Variants in KIAA2012 observed in about 807,000 individuals in gnomAD.
The protein encoded by KIAA2012 is KIAA2012, also known as uncharacterized protein KIAA2012.
In KIAA2012, 125 loss-of-function variants were observed where a neutral mutation model predicts 150.6. That is an observed-to-expected ratio of 0.83 (90% CI 0.72 to 0.96). KIAA2012 has a LOEUF of 0.96. Among genes scored for constraint, KIAA2012 ranks in the 40% least tolerant of loss-of-function variants. KIAA2012 has a pLI of 0.00. For missense variants in KIAA2012, 1,219 were observed against 1,354.9 expected, an observed-to-expected ratio of 0.90 and a Z score of 1.57; for synonymous variants, 462 against 504.7, an observed-to-expected ratio of 0.92 and a Z score of 1.13.
At chr2:202,086,400 C>CT (rs1237944680) in intron 2 of KIAA2012, among the ~76,000 whole-genome samples, 1 of 152,240 alleles carries the variant, frequency 6.6e-6, no homozygotes, top group East Asian at 1.9e-4. Flanking sequence ...CGTCTAAAGG[C>CT]TCCATATTTC....
chr2:202,192,649 G>T (rs554309096), intron 19 of KIAA2012, among the ~76,000 whole-genome samples: 74 of 152,152 alleles, frequency 4.9e-4, no homozygotes, highest in African/African-American at 1.4e-3. Flanking sequence ...TAGAGATAGG[G>T]TGTCTCCATG....
intron 7 of KIAA2012, among the ~76,000 whole-genome samples, 190 bp from the exon 8 acceptor site, chr2:202,102,756 G>C (rs1361169047): frequency 2.0e-5 from 3 of 152,168 alleles, no homozygotes; most frequent in Non-Finnish European, 4.4e-5. Flanking sequence ...AGGATTAACA[G>C]GGGCATATGC....
At chr2:202,105,491 C>T (rs1690161872) in intron 8 of KIAA2012, among the ~76,000 whole-genome samples, 1 of 152,214 alleles carries the variant, frequency 6.6e-6, no homozygotes, top group South Asian at 2.1e-4. Context: ...GAAGGATATG[C>T]CTCTTAAAAG....
At chr2:202,133,118 A>ATT in intron 12 of KIAA2012, among the ~76,000 whole-genome samples, 1 of 73,418 alleles carries the variant, frequency 1.4e-5, no homozygotes. Flanking sequence ...AAATATATAT[A>ATT]TATATATATA....
intron 3 of KIAA2012, 63 bp downstream of exon 3, chr2:202,090,992 AGT>A: frequency 6.8e-7 from 1 of 1,475,432 alleles, no homozygotes; most frequent in East Asian, 2.5e-5. Context: ...CTGGTGTGAC[AGT>A]GTGTTTTCCA....
intron 13 of KIAA2012, among the ~76,000 whole-genome samples, chr2:202,139,368 G>A (rs978350690): frequency 2.0e-5 from 3 of 152,082 alleles, no homozygotes; most frequent in African/African-American, 7.3e-5. Context: ...GACAACTCAG[G>A]GGAATTCCTA....
chr2:202,130,922 AAAT>A (rs1690914430), intron 12 of KIAA2012, among the ~76,000 whole-genome samples: 1 of 151,836 alleles, frequency 6.6e-6, no homozygotes, highest in East Asian at 1.9e-4. Flanking sequence ...TCTCAAAAAT[AAAT>A]AAATAAATAA....
chr2:202,107,313 C>T (rs1190972012), intron 9 of KIAA2012, among the ~76,000 whole-genome samples: 1 of 152,024 alleles, frequency 6.6e-6, no homozygotes, highest in African/African-American at 2.4e-5. Flanking sequence ...ATTCAGGTTT[C>T]GAGAATGTCC....
Position 202,098,541 on chromosome 2 carries a change from C to T in KIAA2012, c.828+964C>T, listed in dbSNP as rs1489743734. On this transcript the variant is annotated intron_variant, in intron 5 of 23. Transcript: ENST00000498697. ...CCAAACTTATGTAACCACAGATTCT[C>T]CCCTGACTCTTTGCTCATCTTGGCA... 2.6e-5 allele frequency among the ~76,000 whole-genome samples: 4 copies of T among 152,314 alleles called. No homozygotes were observed. The East Asian group carries it at 7.7e-4, about 29-fold the overall frequency.
At chr2:202,078,449 G>A (rs985235330) in intron 2 of KIAA2012, among the ~76,000 whole-genome samples, 5 of 151,938 alleles carry the variant, frequency 3.3e-5, no homozygotes, top group East Asian at 3.9e-4. Context: ...CCACCATGCC[G>A]GGCCAATTTT....
chr2:202,185,983 T>C (rs1692219840), intron 16 of KIAA2012, among the ~76,000 whole-genome samples: 1 of 152,154 alleles, frequency 6.6e-6, no homozygotes, highest in South Asian at 2.1e-4. Flanking sequence ...GTAAAGAGAA[T>C]ACTCATTTAG....
intron 22 of KIAA2012, among the ~76,000 whole-genome samples, chr2:202,200,784 G>A (rs1692504524): frequency 7.0e-6 from 1 of 143,328 alleles, no homozygotes; most frequent in Non-Finnish European, 1.5e-5. Context: ...TCGGCTCACC[G>A]CAACCTCCGC....
chr2:202,077,135 G>A (rs773386345), intron 2 of KIAA2012: 3 of 443,748 alleles, frequency 6.8e-6, no homozygotes, highest in East Asian at 7.0e-5. Flanking sequence ...TCCTTCTAGC[G>A]TAAGTGTGGT....
At chr2:202,182,687 G>A (rs955649472) in intron 15 of KIAA2012, among the ~76,000 whole-genome samples, 2 of 152,196 alleles carry the variant, frequency 1.3e-5, no homozygotes, top group East Asian at 3.9e-4. Flanking sequence ...AATACCTAGG[G>A]GTAGGATAGT....
intron 12 of KIAA2012, chr2:202,137,885 G>C (rs4494723): frequency 6.6e-6 from 1 of 152,590 alleles, no homozygotes; most frequent in Non-Finnish European, 1.5e-5. Context: ...GGCTGGCTCC[G>C]CGGTTTCCAT....
intron 14 of KIAA2012, among the ~76,000 whole-genome samples, chr2:202,164,167 G>A (rs1691711743): frequency 6.6e-6 from 1 of 151,958 alleles, no homozygotes; most frequent in African/African-American, 2.4e-5. Flanking sequence ...GGTTGAGCAG[G>A]GATCCAGGTG....
chr2:202,132,747 A>ATATATATT (rs373235755), intron 12 of KIAA2012, among the ~76,000 whole-genome samples: 1 of 104,370 alleles, frequency 9.6e-6, no homozygotes, highest in Non-Finnish European at 1.8e-5. Flanking sequence ...GTATATATAT[A>ATATATATT]GTATATATGT....
chr2:202,126,919 G>A (rs7589032), intron 12 of KIAA2012, among the ~76,000 whole-genome samples: 97,973 of 151,832 alleles, frequency 0.65, 31,775 homozygotes, highest in Admixed American at 0.69. Context: ...CTAAAGAGGG[G>A]CAATTCCATC....
chr2:202,196,757 A>G (rs1692422162), intron 21 of KIAA2012, 43 bp from the exon 22 acceptor site: 3 of 1,522,552 alleles, frequency 2.0e-6, no homozygotes, highest in Non-Finnish European at 2.6e-6. Flanking sequence ...TGTTTTCCCT[A>G]AAAATGATCC....
Sources: gnomAD v4.1 joint callset for allele counts (sites outside exome capture counted in the v4.1 genomes callset) on GRCh38, gnomAD v4.1.1 for gene constraint, MANE v1.5 for transcripts, NCBI Gene and HGNC (gene_info 2026-07-23, HGNC 2026-07-21) for gene names.